LRTM2: variants seen among roughly 807,000 people sequenced by gnomAD.
LRTM2 encodes leucine rich repeat transmembrane protein 2, also known as leucine-rich repeat and transmembrane domain-containing protein 2.
Under a neutral mutation model 28.1 loss-of-function variants are expected in LRTM2, and 18 were observed. The ratio of observed to expected loss-of-function variants is 0.64; its 90% CI spans 0.44 to 0.95. LRTM2 has a LOEUF of 0.95. Among genes scored for constraint, LRTM2 ranks in the 40% least tolerant of loss-of-function variants. The pLI is 0.00. For missense variants in LRTM2, 436 were observed against 497.2 expected, an observed-to-expected ratio of 0.88 and a Z score of 1.17; for synonymous variants, 250 against 218.7, an observed-to-expected ratio of 1.14 and a Z score of -1.26.
intron 4 of LRTM2, among the ~76,000 whole-genome samples, chr12:1,832,276 G>A (rs763484011): frequency 5.9e-5 from 9 of 152,200 alleles, no homozygotes; most frequent in African/African-American, 1.9e-4. Flanking sequence ...TTACCCTTTC[G>A]CTGTGGCAGG....
At chr12:1,826,417 G>A (rs994636803) in intron 1 of LRTM2, among the ~76,000 whole-genome samples, 5 of 58,622 alleles carry the variant, frequency 8.5e-5, no homozygotes, top group South Asian at 7.4e-4. Flanking sequence ...CCCCCCCCCC[G>A]CCAACTGGCA....
chr12:1,823,361 T>C (rs1332161488), intron 1 of LRTM2: 1 of 152,298 alleles, frequency 6.6e-6, no homozygotes, highest in East Asian at 1.9e-4. Context: ...GGCAGGTGCA[T>C]GGAGCGGTCC....
Position 1,828,435 on chromosome 12 carries a change from G to A in LRTM2, c.67+220G>A, listed in dbSNP as rs967024988. Among the ~76,000 whole-genome samples, 1 of 152,226 alleles carries A rather than the reference G, an allele frequency of 6.6e-6. No individual in the cohort carries two copies. Among genetic ancestry groups the A allele is most frequent in the Non-Finnish European group, 1.5e-5 (1 of 68,022 alleles). On this transcript the variant is annotated intron_variant, in intron 3 of 4. Coordinates refer to ENST00000299194, the MANE Select transcript of LRTM2 (RefSeq NM_001039029.3). The surrounding 1 kb of genome is among the most constrained non-coding windows in gnomAD (Gnocchi z 4.2). ...GTCACCGCTGAGTGCTGAGTGGTTA[G>A]ACCTGGAGCTGGAGGCCACGACAGT... is the stretch of plus-strand genomic sequence containing the variant.
chr12:1,821,311 G>A (rs1313878689), intron 1 of LRTM2, among the ~76,000 whole-genome samples: 1 of 152,176 alleles, frequency 6.6e-6, no homozygotes, highest in Non-Finnish European at 1.5e-5. Context: ...TCAGAGGCAT[G>A]GGCACAGACC....
rs759415155 is a variant in LRTM2, at chr12:1,834,737, C to T, written c.*16C>T. On this transcript the variant is annotated 3_prime_UTR_variant, in exon 5 of 5. Coordinates refer to ENST00000299194, the MANE Select transcript of LRTM2 (RefSeq NM_001039029.3). The surrounding 1 kb of genome is among the most constrained non-coding windows in gnomAD (Gnocchi z 7.6). ...TGTGGCCTGAGCGCCCATCCCCACC[C>T]GGCCAGGTAGGAAGGGCGGGGAGAG... 2.7e-5 allele frequency: 42 copies of T among 1,571,216 alleles called. No homozygotes were observed. Among genetic ancestry groups the T allele is most frequent in the Middle Eastern group, 1.7e-4 (1 of 5,898 alleles).
chr12:1,824,429 C>T (rs554236056), intron 1 of LRTM2, among the ~76,000 whole-genome samples: 1 of 152,344 alleles, frequency 6.6e-6, no homozygotes, highest in African/African-American at 2.4e-5. Context: ...CAGAGTTCCT[C>T]ATTTGACTGC....
chr12:1,827,215 C>T (rs1162499516), intron 1 of LRTM2, among the ~76,000 whole-genome samples, 195 bp from the exon 2 acceptor site: 9 of 152,214 alleles, frequency 5.9e-5, no homozygotes, highest in Non-Finnish European at 1.3e-4. Context: ...CAGCCTGGGC[C>T]TCCCATCTGG....
intron 3 of LRTM2, among the ~76,000 whole-genome samples, chr12:1,830,706 G>A (rs928138345): frequency 1.3e-5 from 2 of 152,196 alleles, no homozygotes; most frequent in Non-Finnish European, 2.9e-5. Context: ...CAGATGTGTG[G>A]CAAGGCAGGG....
At position 1,829,369 on chromosome 12, in the gene LRTM2, T is replaced by G. The variant is rs1345151027; in HGVS notation, c.67+1154T>G. Among the ~76,000 whole-genome samples the G allele has an allele frequency of 6.6e-6, 1 of 152,064 alleles. No homozygotes were observed. The highest frequency in any genetic ancestry group is 2.4e-5 in the African/African-American group (1 of 41,396). ...GGGGTGGTGGTATGGGGCTGGCTGATCTGGTAGCAGACGGGCTCAGAGGGG... is the reference window on the plus strand; with the variant it reads ...GGGGTGGTGGTATGGGGCTGGCTGAGCTGGTAGCAGACGGGCTCAGAGGGG... On this transcript the variant is annotated intron_variant, in intron 3 of 4. Transcript: ENST00000299194. This position sits in a 1 kb window ranked among gnomAD's most constrained non-coding sequence, Gnocchi z 4.2.
intron 4 of LRTM2, among the ~76,000 whole-genome samples, chr12:1,832,319 C>T (rs972751552): frequency 6.6e-6 from 1 of 152,196 alleles, no homozygotes; most frequent in Non-Finnish European, 1.5e-5. Context: ...GAAACAATAT[C>T]TATTTCGTAG....
rs945939653 is a variant in LRTM2 at position 1,828,139 on chromosome 12, G to A, written c.-10G>A. The A allele has an allele frequency of 2.6e-6, 4 of 1,536,080 alleles. No homozygotes were observed. The highest frequency in any genetic ancestry group is 2.6e-6 in the Non-Finnish European group (3 of 1,139,994). On this transcript the variant is annotated 5_prime_UTR_variant, in exon 3 of 5. Transcript: ENST00000299194. This position sits in a 1 kb window ranked among gnomAD's most constrained non-coding sequence, Gnocchi z 4.2. ...AGAGCGACAGGGCCCGGAGAGCCGT[G>A]GGCCTCACCATGCTGGCGCCGGGCA... is the stretch of plus-strand genomic sequence containing the variant.
chr12:1,834,452 G>A lies in LRTM2; in HGVS notation c.844G>A (p.Gly282Arg), dbSNP rs760133119. 2.2e-5 allele frequency: 35 copies of A among 1,611,714 alleles called. No homozygotes were observed. The East Asian group carries it at 3.3e-4, about 15-fold the overall frequency. Reference sequence around the variant, plus strand: ...TCCAGAGCCTGCTAAGCCCAAGCCCGGGGCTGAGCCGGAGCCGGAGCCCAG... The same window carrying A: ...TCCAGAGCCTGCTAAGCCCAAGCCCAGGGCTGAGCCGGAGCCGGAGCCCAG... Reference protein sequence around the residue: ...ASPEPAKPKPGAEPEPEPSTA... With the variant: ...ASPEPAKPKPRAEPEPEPSTA... Residue 282 changes from glycine (G) to arginine (R), a missense_variant, in exon 5 of 5, where the codon GGG (glycine) becomes AGG (arginine). Transcript: ENST00000299194. This position sits in a 1 kb window ranked among gnomAD's most constrained non-coding sequence, Gnocchi z 7.6.
At chr12:1,826,400 G>GT (rs1864318139) in intron 1 of LRTM2, among the ~76,000 whole-genome samples, 2 of 57,088 alleles carry the variant, frequency 3.5e-5, no homozygotes, top group Admixed American at 2.3e-4. Flanking sequence ...TGAACCCAGA[G>GT]CCCCCCCCCC....
chr12:1,822,147 G>C (rs1018485914), intron 1 of LRTM2: 2 of 152,182 alleles, frequency 1.3e-5, no homozygotes, highest in African/African-American at 2.4e-5. Flanking sequence ...GAGGGGTAAG[G>C]AGAGAGGCTG....
intron 1 of LRTM2, among the ~76,000 whole-genome samples, chr12:1,822,431 C>G (rs1239895115): frequency 1.3e-5 from 2 of 152,124 alleles, no homozygotes; most frequent in Non-Finnish European, 2.9e-5. Flanking sequence ...GCCAAGCCTC[C>G]TGTGCCCTGC....
Position 1,829,014 on chromosome 12 carries a change from G to A in LRTM2, c.67+799G>A, listed in dbSNP as rs977468791. 5.9e-5 allele frequency among the ~76,000 whole-genome samples: 9 copies of A among 152,188 alleles called. No homozygotes were observed. The highest frequency in any genetic ancestry group is 2.2e-4 in the African/African-American group (9 of 41,436). ...CCGCTCTGATCCAGCACCCAACACG[G>A]GCAGCCTGAATTATTCACCATGTGA... is the stretch of plus-strand genomic sequence containing the variant. On this transcript the variant is annotated intron_variant, in intron 3 of 4. Transcript: ENST00000299194. The surrounding 1 kb of genome is among the most constrained non-coding windows in gnomAD (Gnocchi z 4.2).
At position 1,825,556 on chromosome 12, in the gene LRTM2, T is replaced by C. The variant is rs141095919; in HGVS notation, c.-258-1854T>C. 3.6e-3 allele frequency among the ~76,000 whole-genome samples: 554 copies of C among 152,332 alleles called. 5 individuals carry two copies. Among genetic ancestry groups the C allele is most frequent in the African/African-American group, 0.013 (535 of 41,578 alleles). On this transcript the variant is annotated intron_variant, in intron 1 of 4. Transcript: ENST00000299194. ...GGCATCTCACTCAGCTGCCTGAGTG[T>C]TGGCATTTGAGAAGTGCTGGAGTGC...
chr12:1,825,057 T>A (rs1043118396), intron 1 of LRTM2, among the ~76,000 whole-genome samples: 2 of 152,242 alleles, frequency 1.3e-5, no homozygotes, highest in Non-Finnish European at 2.9e-5. Context: ...GGATCAACAG[T>A]GTCCTGCCAC....
chr12:1,828,925 C>G lies in LRTM2; in HGVS notation c.67+710C>G, dbSNP rs115241784. ...AGGGACCAGGTCAGCAAGGGCTGGT[C>G]TGCCCAAGGCTACACGGTGGCAGGG... On this transcript the variant is annotated intron_variant, in intron 3 of 4. Coordinates refer to ENST00000299194, the MANE Select transcript of LRTM2 (RefSeq NM_001039029.3). The surrounding 1 kb of genome is among the most constrained non-coding windows in gnomAD (Gnocchi z 4.2). Among the ~76,000 whole-genome samples, 1,351 of 152,356 alleles carry G rather than the reference C, an allele frequency of 8.9e-3. 20 individuals carry two copies. The highest frequency in any genetic ancestry group is 0.031 in the African/African-American group (1,270 of 41,582).
Sources: allele counts gnomAD v4.1 joint callset (sites outside exome capture counted in the v4.1 genomes callset), GRCh38; gene constraint gnomAD v4.1.1; non-coding constraint Gnocchi (gnomAD v3.1); transcripts MANE v1.5; gene names NCBI Gene and HGNC (gene_info 2026-07-23, HGNC 2026-07-21).